The following SH2B2 variants were observed in gnomAD, a reference collection of about 807,000 sequenced individuals.
SH2B2 encodes SH2B adaptor protein 2, also known as SH2B adapter protein 2.
In SH2B2, 37 loss-of-function variants were observed where a neutral mutation model predicts 35.7. The observed-to-expected ratio is 1.04, with a 90% CI of 0.80 to 1.36. The LOEUF (loss-of-function observed/expected upper bound fraction) is 1.36. Among genes scored for constraint, SH2B2 ranks in the 40% most tolerant of loss-of-function variants. SH2B2 has a pLI of 0.00. For missense variants in SH2B2, 852 were observed against 817.7 expected (o/e 1.04, Z -0.51); for synonymous variants, 383 against 376.4 (o/e 1.02, Z -0.20).
At chr7:102,320,282 G>A (rs559598635) in intron 7 of SH2B2, 49 bp from the exon 8 acceptor site, 2 of 1,498,384 alleles carry the variant, frequency 1.3e-6, no homozygotes, top group Middle Eastern at 1.8e-4. Flanking sequence ...CGCTTACCCA[G>A]GTGCCCAGCC....
rs1460953597 is a variant in SH2B2 at position 102,314,433 on chromosome 7, TA to T, written c.1015+7del. The T allele has an allele frequency of 2.5e-6, 1 of 398,576 alleles. No individual in the cohort carries two copies. Among genetic ancestry groups the T allele is most frequent in the South Asian group, 1.3e-4 (1 of 7,842 alleles). The allele number at this position is 398,576 out of a possible 1,614,324, so 24.7% of individuals were successfully genotyped here. The stretch of plus-strand genomic sequence containing the variant: ...CTGTGAGCTCCTGACTGATGGTAGG[TA>T]GGGGGACAGGGTTGAAGGAGGGGCA... On this transcript the variant is annotated splice_region_variant and intron_variant, in intron 5 of 8. Coordinates refer to ENST00000444095, the MANE Select transcript of SH2B2 (RefSeq NM_001359228.2).
At chr7:102,317,712 G>C (rs868952697) in intron 7 of SH2B2, among the ~76,000 whole-genome samples, 2 of 152,156 alleles carry the variant, frequency 1.3e-5, no homozygotes, top group African/African-American at 4.8e-5. Context: ...CAGCTCCTGC[G>C]CGCGGGGGAT....
rs3988122 is a variant in SH2B2 at position 102,297,394 on chromosome 7, TACACACACACACACACACACACACAC to T, written c.-29-3117_-29-3092del. 6.9e-6 allele frequency among the ~76,000 whole-genome samples: 1 copy of T among 144,458 alleles called. No homozygotes were observed. Among genetic ancestry groups the T allele is most frequent in the African/African-American group, 2.6e-5 (1 of 38,662 alleles). 94.8% of individuals were successfully genotyped at this position (144,458 alleles called of 152,430 possible). The stretch of plus-strand genomic sequence containing the variant: ...CATCAATAGAGTGAGATCCCATCTC[TACACACACACACACACACACACACAC>T]ACACACACACGCAGTATACAGAGGT... On this transcript the variant is annotated intron_variant, in intron 1 of 8. Coordinates refer to ENST00000444095, the MANE Select transcript of SH2B2 (RefSeq NM_001359228.2). This position sits in a 1 kb window ranked among gnomAD's most constrained non-coding sequence, Gnocchi z 4.3.
chr7:102,317,603 A>C (rs1415108243), intron 7 of SH2B2, among the ~76,000 whole-genome samples: 1 of 152,158 alleles, frequency 6.6e-6, no homozygotes, highest in African/African-American at 2.4e-5. Flanking sequence ...AGTCAGCCCT[A>C]TTTCAGCCTC....
Position 102,297,891 on chromosome 7 carries a change from G to C in SH2B2, c.-29-2631G>C, listed in dbSNP as rs111910276. Reference sequence around the variant, plus strand: ...GTGAAAATAGGCAGAGTGCATGAACGCATCAGAGGGAGTATTGTCATCAGA... The same window carrying C: ...GTGAAAATAGGCAGAGTGCATGAACCCATCAGAGGGAGTATTGTCATCAGA... On this transcript the variant is annotated intron_variant, in intron 1 of 8. Coordinates refer to ENST00000444095, the MANE Select transcript of SH2B2 (RefSeq NM_001359228.2). The surrounding 1 kb of genome is among the most constrained non-coding windows in gnomAD (Gnocchi z 4.3). 4.6e-5 allele frequency among the ~76,000 whole-genome samples: 7 copies of C among 152,154 alleles called. No homozygotes were observed. The highest frequency in any genetic ancestry group is 1.0e-4 in the Non-Finnish European group (7 of 68,034).
chr7:102,288,004 A>C (rs1190683692), intron 1 of SH2B2, among the ~76,000 whole-genome samples: 1 of 152,066 alleles, frequency 6.6e-6, no homozygotes, highest in Non-Finnish European at 1.5e-5. Flanking sequence ...AGCCCTACCA[A>C]TGCCCCCGAG....
intron 1 of SH2B2, among the ~76,000 whole-genome samples, chr7:102,294,446 C>T (rs1026244877): frequency 7.2e-5 from 11 of 152,276 alleles, no homozygotes; most frequent in South Asian, 2.1e-4. Flanking sequence ...GAGGAGCTCC[C>T]GCCCTGCCCA....
At position 102,300,578 on chromosome 7, in the gene SH2B2, G is replaced by C; in HGVS notation, c.28G>C (p.Ala10Pro). The change falls in exon 2 of 9, where the codon GCA becomes CCA. Residue 10 changes from alanine to proline, a missense_variant. Ala to Pro is a conservative substitution (Grantham distance 27). Transcript: ENST00000444095. Reference protein sequence around the residue: MNGAGPGPAAAAPVPVPVPV... With the variant: MNGAGPGPAPAAPVPVPVPV... ...GAATGGTGCCGGCCCTGGCCCCGCC[G>C]CAGCCGCCCCGGTCCCAGTCCCGGT... 1 of 1,548,970 alleles carries C rather than the reference G, an allele frequency of 6.5e-7. No individual in the cohort carries two copies. Among genetic ancestry groups the C allele is most frequent in the Non-Finnish European group, 8.7e-7 (1 of 1,146,426 alleles).
At chr7:102,310,260 G>C (rs189985316) in intron 4 of SH2B2, among the ~76,000 whole-genome samples, 11 of 152,194 alleles carry the variant, frequency 7.2e-5, no homozygotes, top group Admixed American at 7.2e-4. Context: ...AGGTTGCAGT[G>C]AGCTGAGACT....
chr7:102,303,749 G>A (rs1793287627), intron 2 of SH2B2, among the ~76,000 whole-genome samples: 3 of 152,232 alleles, frequency 2.0e-5, no homozygotes, highest in Admixed American at 2.0e-4. Flanking sequence ...CACCCAGAGG[G>A]CAGGGACAGA....
intron 1 of SH2B2, among the ~76,000 whole-genome samples, chr7:102,298,973 T>C (rs1793031350): frequency 7.1e-6 from 1 of 140,018 alleles, no homozygotes; most frequent in Non-Finnish European, 1.5e-5. Context: ...AAGGCTGGAG[T>C]GCAGTGGCGC....
rs116093291 is a variant in SH2B2, at chr7:102,295,866, C to G, written c.-29-4656C>G. The stretch of plus-strand genomic sequence containing the variant: ...GGGTTCCTCAGTCCCCATCCTTCCC[C>G]CACCTTCGTGAACTCTAACCACCAC... On this transcript the variant is annotated intron_variant, in intron 1 of 8. Transcript: ENST00000444095. Among the ~76,000 whole-genome samples the G allele has an allele frequency of 7.9e-3, 1,200 of 152,260 alleles. 19 individuals carry two copies. The highest frequency in any genetic ancestry group is 0.027 in the African/African-American group (1,139 of 41,524).
chr7:102,295,583 G>A (rs1554552410), intron 1 of SH2B2, among the ~76,000 whole-genome samples: 1 of 152,188 alleles, frequency 6.6e-6, no homozygotes, highest in Admixed American at 6.5e-5. Context: ...CACTCTCTGT[G>A]TCAGATGGGG....
intron 1 of SH2B2, among the ~76,000 whole-genome samples, chr7:102,289,371 G>T (rs1792586273): frequency 6.6e-6 from 1 of 152,126 alleles, no homozygotes; most frequent in African/African-American, 2.4e-5. Flanking sequence ...AGGATCAAGG[G>T]GCGTTCCCGA....
chr7:102,321,414 C>A lies in SH2B2; in HGVS notation c.1683C>A (p.Ser561=). Residue 561 remains serine, a synonymous_variant, in exon 9 of 9, where the codon TCC becomes TCA. Transcript: ENST00000444095. ...AAAACPPASP[S]DAAGASSSSA... ...CCGCCTGCCCGCCTGCCTCGCCCTC[C>A]GACGCCGCCGGCGCCTCCTCGTCTT... 2 of 1,339,772 alleles carry A rather than the reference C, an allele frequency of 1.5e-6. No homozygotes were observed. The highest frequency in any genetic ancestry group is 1.9e-6 in the Non-Finnish European group (2 of 1,043,786). The allele number at this position is 1,339,772 out of a possible 1,614,324, so 83.0% of individuals were successfully genotyped here.
chr7:102,313,055 C>T lies in SH2B2; in HGVS notation c.924-1281C>T, dbSNP rs969165639. On this transcript the variant is annotated intron_variant, in intron 4 of 8. Transcript: ENST00000444095. ...GAGGCAGGAGAATTGCTTGAACCCC[C>T]GGGAGGCAGAGGTTGCAGTGAGCCA... is the stretch of plus-strand genomic sequence containing the variant. Among the ~76,000 whole-genome samples, 626 of 150,616 alleles carry T rather than the reference C, an allele frequency of 4.2e-3. 3 individuals carry two copies. Among genetic ancestry groups the T allele is most frequent in the Middle Eastern group, 0.017 (5 of 292 alleles).
chr7:102,302,521 T>C (rs566474582), intron 2 of SH2B2, among the ~76,000 whole-genome samples: 4 of 152,314 alleles, frequency 2.6e-5, no homozygotes, highest in South Asian at 4.1e-4. Context: ...TTCTCCAAGG[T>C]GGCCCCCCTG....
chr7:102,297,394 TACACAC>T lies in SH2B2; in HGVS notation c.-29-3097_-29-3092del, dbSNP rs3988122. 0.014 allele frequency among the ~76,000 whole-genome samples: 2,093 copies of T among 144,540 alleles called. 43 individuals are homozygous for T. The highest frequency in any genetic ancestry group is 0.051 in the African/African-American group (1,987 of 38,760). The allele number at this position is 144,540 out of a possible 152,430, so 94.8% of individuals were successfully genotyped here. On this transcript the variant is annotated intron_variant, in intron 1 of 8. Coordinates refer to ENST00000444095, the MANE Select transcript of SH2B2 (RefSeq NM_001359228.2). This position sits in a 1 kb window ranked among gnomAD's most constrained non-coding sequence, Gnocchi z 4.3. Reference sequence around the variant, plus strand: ...CATCAATAGAGTGAGATCCCATCTCTACACACACACACACACACACACACACACACA... The same window carrying T: ...CATCAATAGAGTGAGATCCCATCTCTACACACACACACACACACACACACA...
In SH2B2 at chr7:102,297,063, G is replaced by A. The variant is rs782320643; in HGVS notation, c.-29-3459G>A. 2.6e-5 allele frequency among the ~76,000 whole-genome samples: 4 copies of A among 152,094 alleles called. No homozygotes were observed. The highest frequency in any genetic ancestry group is 5.9e-5 in the Non-Finnish European group (4 of 68,026). On this transcript the variant is annotated intron_variant, in intron 1 of 8. Transcript: ENST00000444095. This position sits in a 1 kb window ranked among gnomAD's most constrained non-coding sequence, Gnocchi z 4.3. ...CTTCAGATACCCGTGGTCAACAGAG[G>A]TCTGAAAATATTAAATAGAAAATCC...
Sources: gnomAD v4.1 joint callset for allele counts (sites outside exome capture counted in the v4.1 genomes callset) on GRCh38, gnomAD v4.1.1 for gene constraint, Gnocchi (gnomAD v3.1) non-coding constraint, MANE v1.5 for transcripts, NCBI Gene and HGNC (gene_info 2026-07-23, HGNC 2026-07-21) for gene names.